Variants in STXBP3 observed in about 807,000 individuals in gnomAD.
STXBP3 encodes the protein syntaxin-binding protein 3.
Under a neutral mutation model 85.7 loss-of-function variants are expected in STXBP3, and 41 were observed. The observed-to-expected ratio is 0.48, with a 90% CI of 0.37 to 0.62. The LOEUF is 0.62. Among genes scored for constraint, STXBP3 ranks in the 20% least tolerant of loss-of-function variants. The probability of loss-of-function intolerance (pLI) is 0.00; values close to 1 mark genes in which losing one functional copy is unlikely to be tolerated. For synonymous variants in STXBP3, 229 were observed against 231.7 expected (o/e 0.99, Z 0.10); for missense variants, 563 against 703.1 (o/e 0.80, Z 2.25).
At chr1:108,751,524 G>A (rs964952073) in intron 1 of STXBP3, among the ~76,000 whole-genome samples, 1 of 151,650 alleles carries the variant, frequency 6.6e-6, no homozygotes. Flanking sequence ...ATGAAAAATA[G>A]GTTACTATAA....
chr1:108,796,550 C>A, intron 14 of STXBP3, 70 bp from the exon 15 acceptor site: 1 of 1,382,144 alleles, frequency 7.2e-7, no homozygotes, highest in South Asian at 1.3e-5. Flanking sequence ...TTCATGGGTA[C>A]TACCTAAAGC....
chr1:108,801,415 A>G (rs1202579784), intron 17 of STXBP3, among the ~76,000 whole-genome samples: 3 of 152,162 alleles, frequency 2.0e-5, no homozygotes, highest in African/African-American at 4.8e-5. Flanking sequence ...ACTTTGAACT[A>G]TGGAATCTTT....
chr1:108,772,884 T>C (rs1662500011), intron 7 of STXBP3, 65 bp downstream of exon 7: 2 of 1,396,802 alleles, frequency 1.4e-6, no homozygotes, highest in South Asian at 1.8e-5. Context: ...AGGTAAGTAA[T>C]GTGTCTGTAC....
intron 17 of STXBP3, among the ~76,000 whole-genome samples, chr1:108,806,542 G>C (rs1214602783): frequency 1.3e-5 from 2 of 152,086 alleles, no homozygotes; most frequent in African/African-American, 2.4e-5. Flanking sequence ...GAGGTTTAGA[G>C]AGAAGTTAAG....
At chr1:108,782,290 AC>A in intron 9 of STXBP3, 131 bp from the exon 10 acceptor site, 1 of 645,554 alleles carries the variant, frequency 1.5e-6, no homozygotes. Context: ...GGTATTCATT[AC>A]CCCCCTAAAA....
chr1:108,772,706 T>G lies in STXBP3; in HGVS notation c.480T>G (p.Tyr160Ter), dbSNP rs139542737. 2 of 1,586,092 alleles carry G rather than the reference T, an allele frequency of 1.3e-6. No individual in the cohort carries two copies. Among genetic ancestry groups the G allele is most frequent in the Admixed American group, 3.5e-5 (2 of 57,170 alleles). The change falls in exon 7 of 19, where the codon TAT (tyrosine) becomes TAG (stop). Residue 160 changes from tyrosine (Y) to a stop codon, truncating the protein, a stop_gained. Transcript: ENST00000370008. LOFTEE classifies it high-confidence loss of function. ...TACCAGATGCATTCTATTACTGTTA[T>G]AGTCCAGACCCTGGTAATGCAAAGG... ...LDVPDAFYYC[Y>*]SPDPGNAKGK... is the part of the protein sequence containing the mutation.
chr1:108,772,899 G>A, intron 7 of STXBP3, 80 bp downstream of exon 7: 1 of 1,303,946 alleles, frequency 7.7e-7, no homozygotes, highest in Non-Finnish European at 9.9e-7. Flanking sequence ...CTGTACCTTG[G>A]CATGTTGGTT....
chr1:108,797,715 GTT>G (rs1377705069), intron 15 of STXBP3, among the ~76,000 whole-genome samples: 1 of 150,570 alleles, frequency 6.6e-6, no homozygotes, highest in South Asian at 2.1e-4. Context: ...GCCCCATCAA[GTT>G]TTTTTGTGTG....
At chr1:108,749,191 A>G (rs1227622659) in intron 1 of STXBP3, among the ~76,000 whole-genome samples, 1 of 152,198 alleles carries the variant, frequency 6.6e-6, no homozygotes, top group Non-Finnish European at 1.5e-5. Flanking sequence ...AGAACAATCA[A>G]TATGCCTAAT....
In STXBP3 at chr1:108,779,404, C is replaced by T. The variant is rs757354346; in HGVS notation, c.803C>T (p.Thr268Ile). The change falls in exon 9 of 19, where the codon ACA becomes ATA. Residue 268 changes from threonine (T) to isoleucine (I), a missense_variant. Coordinates refer to ENST00000370008, the MANE Select transcript of STXBP3 (RefSeq NM_007269.4). Reference protein sequence around the residue: ...AYDLLPIENDTYKYKTDGKEK... With the variant: ...AYDLLPIENDIYKYKTDGKEK... ...GATCTACTACCAATTGAGAATGATA[C>T]ATACAAGCAAGTATAACTTGAAGGG... 8.7e-6 allele frequency: 14 copies of T among 1,609,350 alleles called. No individual in the cohort carries two copies. The East Asian group carries it at 2.9e-4, about 33-fold the overall frequency.
intron 6 of STXBP3, among the ~76,000 whole-genome samples, chr1:108,760,789 A>G (rs1662123758): frequency 6.6e-6 from 1 of 152,210 alleles, no homozygotes; most frequent in Non-Finnish European, 1.5e-5. Flanking sequence ...ATTTTATAGA[A>G]TTGAAATAGT....
chr1:108,789,501 T>A (rs1191828677), intron 11 of STXBP3, among the ~76,000 whole-genome samples: 1 of 148,670 alleles, frequency 6.7e-6, no homozygotes, highest in East Asian at 1.9e-4. Flanking sequence ...TTTCTTCTGT[T>A]CTATTGTATA....
intron 4 of STXBP3, among the ~76,000 whole-genome samples, chr1:108,758,046 A>G (rs959253918): frequency 1.3e-5 from 2 of 152,134 alleles, no homozygotes; most frequent in East Asian, 3.9e-4. Context: ...GATCTTTCTA[A>G]TCACTTGATA....
chr1:108,801,522 T>C (rs1663232250), intron 17 of STXBP3, among the ~76,000 whole-genome samples: 1 of 152,204 alleles, frequency 6.6e-6, no homozygotes, highest in South Asian at 2.1e-4. Flanking sequence ...TATGTCTGTG[T>C]AGTTTAGAGG....
chr1:108,793,089 G>A (rs1247815097), intron 11 of STXBP3, among the ~76,000 whole-genome samples: 2 of 130,674 alleles, frequency 1.5e-5, no homozygotes, highest in African/African-American at 2.8e-5. Context: ...GTTATGTTCT[G>A]TCTAGCTCCT....
intron 10 of STXBP3, 63 bp from the exon 11 acceptor site, chr1:108,782,586 T>TTAA (rs1178007612): frequency 6.3e-7 from 1 of 1,599,404 alleles, no homozygotes; most frequent in Non-Finnish European, 8.5e-7. Flanking sequence ...TTTTGTAACC[T>TTAA]TAAAATAGTT....
intron 6 of STXBP3, among the ~76,000 whole-genome samples, chr1:108,769,920 C>T (rs889004989): frequency 2.0e-5 from 3 of 152,086 alleles, no homozygotes; most frequent in East Asian, 1.9e-4. Flanking sequence ...GGGACATAGC[C>T]GAGGGAAAAG....
Position 108,756,723 on chromosome 1 carries a change from T to C in STXBP3, c.215T>C (p.Val72Ala). 1 of 1,595,918 alleles carries C rather than the reference T, an allele frequency of 6.3e-7. No homozygotes were observed. Among genetic ancestry groups the C allele is most frequent in the Non-Finnish European group, 8.5e-7 (1 of 1,170,088 alleles). Residue 72 changes from valine to alanine, a missense_variant, in exon 4 of 19, where the codon GTC becomes GCC. Val to Ala is a moderately conservative substitution (Grantham distance 64, BLOSUM62 0). Coordinates refer to ENST00000370008, the MANE Select transcript of STXBP3 (RefSeq NM_007269.4). ...AATATTTATAAGAACCGTGAACCTG[T>C]CAGACAAATGAAAGCTCTTTATTTC... ...VENIYKNREP[V>A]RQMKALYFIT... is the part of the protein sequence containing the mutation.
Position 108,756,730 on chromosome 1 carries a change from A to G in STXBP3, c.222A>G (p.Gln74=). Residue 74 remains glutamine (Q), a synonymous_variant, in exon 4 of 19, where the codon CAA becomes CAG. Transcript: ENST00000370008. Reference sequence around the variant, plus strand: ...ATAAGAACCGTGAACCTGTCAGACAAATGAAAGCTCTTTATTTCATCACTC... The same window carrying G: ...ATAAGAACCGTGAACCTGTCAGACAGATGAAAGCTCTTTATTTCATCACTC... ...NIYKNREPVR[Q]MKALYFITPT... 2 of 1,596,304 alleles carry G rather than the reference A, an allele frequency of 1.3e-6. No individual in the cohort carries two copies. Among genetic ancestry groups the G allele is most frequent in the Non-Finnish European group, 1.7e-6 (2 of 1,170,284 alleles).
Sources: gnomAD v4.1 joint callset for allele counts (sites outside exome capture counted in the v4.1 genomes callset) on GRCh38, gnomAD v4.1.1 for gene constraint, MANE v1.5 for transcripts, NCBI Gene and HGNC (gene_info 2026-07-23, HGNC 2026-07-21) for gene names.